The following SGCD variants were observed in gnomAD, a reference collection of about 807,000 sequenced individuals.
The protein encoded by SGCD is delta-sarcoglycan.
In SGCD, 18 loss-of-function variants were observed where a neutral mutation model predicts 36.6. The ratio of observed to expected loss-of-function variants is 0.49; its 90% CI spans 0.34 to 0.73. SGCD has a LOEUF of 0.73. Ranked by LOEUF, SGCD falls within the 30% of genes least tolerant of loss-of-function variation. The pLI, the probability that SGCD is intolerant of heterozygous loss-of-function variation, is 0.01. For missense variants in SGCD, 387 were observed against 346.7 expected (o/e 1.12, Z -0.92); for synonymous variants, 133 against 130.6 (o/e 1.02, Z -0.12).
rs1757575104 is a variant in SGCD at position 156,765,702 on chromosome 5, T to C, written c.*6312T>C. On this transcript the variant is annotated 3_prime_UTR_variant, in exon 9 of 9. Coordinates refer to ENST00000337851, the MANE Select transcript of SGCD (RefSeq NM_000337.6). ...CGGATGTGAAAACTGAGGCTTATAG[T>C]GGCTAAGAAACTTGCCCAAAGCCAC... 6.6e-6 allele frequency: 1 copy of C among 152,160 alleles called. No homozygotes were observed. The highest frequency in any genetic ancestry group is 1.5e-5 in the Non-Finnish European group (1 of 68,022). The allele number at this position is 152,160 out of a possible 1,614,324, so 9.4% of individuals were successfully genotyped here.
intron 3 of SGCD, among the ~76,000 whole-genome samples, chr5:156,456,606 T>C (rs1754273969): frequency 6.6e-6 from 1 of 152,158 alleles, no homozygotes; most frequent in African/African-American, 2.4e-5. Flanking sequence ...AGAACAGAGA[T>C]AAATTGAGGA....
intron 1 of SGCD, among the ~76,000 whole-genome samples, chr5:156,043,018 G>A (rs1759676142): frequency 6.6e-6 from 1 of 152,104 alleles, no homozygotes; most frequent in Non-Finnish European, 1.5e-5. Context: ...CTCAACATTA[G>A]CTTGGCCCAA....
intron 1 of SGCD, among the ~76,000 whole-genome samples, chr5:156,043,899 A>G (rs1466216103): frequency 2.6e-5 from 4 of 152,096 alleles, no homozygotes; most frequent in Non-Finnish European, 5.9e-5. Flanking sequence ...CAGTTAATCA[A>G]CAAACATTTA....
chr5:156,185,424 C>G (rs1763717546), intron 3 of SGCD, among the ~76,000 whole-genome samples: 1 of 151,936 alleles, frequency 6.6e-6, no homozygotes, highest in Admixed American at 6.6e-5. Context: ...CCACGTTAGC[C>G]AGGATGGTCT....
intron 3 of SGCD, among the ~76,000 whole-genome samples, chr5:156,373,852 T>A (rs1770519555): frequency 6.6e-6 from 1 of 152,158 alleles, no homozygotes. Flanking sequence ...GTATTATGTT[T>A]GGATCCACAT....
chr5:156,344,758 G>T, intron 3 of SGCD, 81 bp downstream of exon 3: 1 of 1,136,906 alleles, frequency 8.8e-7, no homozygotes, highest in Non-Finnish European at 1.3e-6. Flanking sequence ...ATGTGGAAAA[G>T]TGATATTATT....
the SGCD span, among the ~76,000 whole-genome samples, chr5:155,814,364 T>C: frequency 6.7e-3 from 1,018 of 152,354 alleles, 5 homozygotes; most frequent in Middle Eastern, 0.014. Context: ...TTCTTTATCC[T>C]CCAACACTGG....
chr5:156,378,354 T>A (rs1021928493), intron 3 of SGCD, among the ~76,000 whole-genome samples: 4 of 152,152 alleles, frequency 2.6e-5, no homozygotes, highest in Non-Finnish European at 5.9e-5. Flanking sequence ...ACTGGAGAGT[T>A]ATTGCTTAAT....
At chr5:156,519,104 AATAAG>A (rs1435162934) in intron 4 of SGCD, among the ~76,000 whole-genome samples, 2 of 152,148 alleles carry the variant, frequency 1.3e-5, no homozygotes, top group East Asian at 1.9e-4. Context: ...TTGCTAGACT[AATAAG>A]AGAAGAATCA....
At chr5:156,464,881 AT>A (rs1561713116) in intron 3 of SGCD, among the ~76,000 whole-genome samples, 3 of 152,106 alleles carry the variant, frequency 2.0e-5, no homozygotes, top group Non-Finnish European at 4.4e-5. Context: ...ATTGCTATTG[AT>A]TTTTTTAAAG....
the SGCD span, among the ~76,000 whole-genome samples, chr5:155,864,421 C>T: frequency 2.0e-5 from 3 of 151,734 alleles, no homozygotes; most frequent in South Asian, 2.1e-4. Context: ...AGGGTGACAT[C>T]GGTGGAGGCG....
intron 1 of SGCD, among the ~76,000 whole-genome samples, chr5:155,905,209 G>A (rs1756477249): frequency 6.6e-6 from 1 of 152,094 alleles, no homozygotes; most frequent in Non-Finnish European, 1.5e-5. Flanking sequence ...GCTAACTTTG[G>A]ACTTTACAAA....
intron 7 of SGCD, among the ~76,000 whole-genome samples, chr5:156,747,694 A>T (rs1756999567): frequency 6.6e-6 from 1 of 152,142 alleles, no homozygotes; most frequent in Non-Finnish European, 1.5e-5. Context: ...TAAGCTCATA[A>T]GTGATATCCC....
chr5:156,742,890 G>T (rs1011003153), intron 7 of SGCD, among the ~76,000 whole-genome samples: 3 of 152,128 alleles, frequency 2.0e-5, no homozygotes, highest in African/African-American at 7.2e-5. Context: ...GCATTAAGGA[G>T]GAACCTGTTT....
intron 3 of SGCD, among the ~76,000 whole-genome samples, chr5:156,361,140 C>T (rs1050754807): frequency 3.3e-5 from 5 of 152,346 alleles, no homozygotes; most frequent in Admixed American, 6.5e-5. Context: ...GAGCCTGGAG[C>T]GCCCAACAAG....
At chr5:156,692,891 A>C (rs1754172227) in intron 7 of SGCD, among the ~76,000 whole-genome samples, 1 of 152,222 alleles carries the variant, frequency 6.6e-6, no homozygotes. Flanking sequence ...TGTACTTGGA[A>C]GTATGCAAAA....
chr5:156,364,825 G>T (rs916981907), intron 3 of SGCD, among the ~76,000 whole-genome samples: 10 of 152,142 alleles, frequency 6.6e-5, no homozygotes, highest in African/African-American at 2.4e-4. Flanking sequence ...TTCCAAATAA[G>T]TATCTTTGCC....
chr5:156,582,283 C>T (rs76296496), intron 4 of SGCD, among the ~76,000 whole-genome samples: 3,121 of 152,182 alleles, frequency 0.021, 126 homozygotes, highest in East Asian at 0.17. Context: ...TGATCTCATA[C>T]GGGTTTGGGG....
the SGCD span, among the ~76,000 whole-genome samples, chr5:155,784,636 G>A: frequency 1.1e-5 from 1 of 89,510 alleles, no homozygotes; most frequent in Non-Finnish European, 2.1e-5. Context: ...GGATGTAAGA[G>A]CTCCTTTTTT....
Sources: gnomAD v4.1 joint callset for allele counts (sites outside exome capture counted in the v4.1 genomes callset) on GRCh38, gnomAD v4.1.1 for gene constraint, MANE v1.5 for transcripts, NCBI Gene and HGNC (gene_info 2026-07-23, HGNC 2026-07-21) for gene names.